The following HMGA2 variants were observed in gnomAD, a reference collection of about 807,000 sequenced individuals.
HMGA2 encodes the protein high mobility group AT-hook 2.
A neutral mutation model predicts 19.1 loss-of-function variants in HMGA2; 8 were observed. The ratio of observed to expected loss-of-function variants is 0.42; its 90% CI spans 0.25 to 0.76. HMGA2 has a LOEUF of 0.76. HMGA2 is among the 30% of genes least tolerant of loss of function. HMGA2 has a pLI of 0.28. For missense variants in HMGA2, 109 were observed against 136.3 expected (o/e 0.80, Z 1.00); for synonymous variants, 60 against 48.8 (o/e 1.23, Z -0.96).
rs1870041767 is a variant in HMGA2 at position 65,824,733 on chromosome 12, C to CTCTCTCTCTCTCTCTCTG, written c.-521_-520insGTCTCTCTCTCTCTCTCT. On this transcript the variant is annotated 5_prime_UTR_variant, in exon 1 of 5. Transcript: ENST00000403681. ...ATCTCTTCTCTCTCTCTCTCTCTCT[C>CTCTCTCTCTCTCTCTCTG]TCTCTCTCTCTCTCTCTCTCTCTCT... 2 of 179,134 alleles carry CTCTCTCTCTCTCTCTCTG rather than the reference C, an allele frequency of 1.1e-5. No homozygotes were observed. Among genetic ancestry groups the CTCTCTCTCTCTCTCTCTG allele is most frequent in the African/African-American group, 8.1e-5 (2 of 24,730 alleles). The allele number at this position is 179,134 out of a possible 1,614,324, so 11.1% of individuals were successfully genotyped here.
At chr12:65,843,129 T>A (rs1016580921) in intron 3 of HMGA2, 3 of 225,732 alleles carry the variant, frequency 1.3e-5, no homozygotes, top group African/African-American at 4.5e-5. Flanking sequence ...AAGAAAAATA[T>A]CTTTCTGGAG....
At chr12:65,942,373 A>G (rs557611874) in intron 3 of HMGA2, among the ~76,000 whole-genome samples, 2 of 152,352 alleles carry the variant, frequency 1.3e-5, no homozygotes, top group African/African-American at 4.8e-5. Flanking sequence ...AAAGAAATAC[A>G]TATAGAATAA....
chr12:65,956,397 A>C (rs987578569), intron 4 of HMGA2: 1 of 152,242 alleles, frequency 6.6e-6, no homozygotes, highest in Non-Finnish European at 1.5e-5. Flanking sequence ...GGAAAAGGAG[A>C]GAGCAAAGTA....
intron 3 of HMGA2, chr12:65,915,182 G>A (rs1365197723): frequency 1.2e-6 from 2 of 1,610,426 alleles, no homozygotes; most frequent in East Asian, 4.5e-5. Context: ...TCACCTTGAG[G>A]AATTGTCCAT....
intron 4 of HMGA2, chr12:65,956,636 A>G (rs1876613506): frequency 6.6e-6 from 1 of 152,210 alleles, no homozygotes; most frequent in African/African-American, 2.4e-5. Flanking sequence ...ACATCAATCA[A>G]TTTAGGGCAA....
At chr12:65,936,171 C>T (rs1410438090) in intron 3 of HMGA2, among the ~76,000 whole-genome samples, 2 of 151,146 alleles carry the variant, frequency 1.3e-5, no homozygotes, top group African/African-American at 4.9e-5. Flanking sequence ...ATTATGAATG[C>T]GTGTGTTCTT....
chr12:65,913,863 T>A (rs1234329657), intron 3 of HMGA2, among the ~76,000 whole-genome samples: 1 of 152,248 alleles, frequency 6.6e-6, no homozygotes, highest in African/African-American at 2.4e-5. Flanking sequence ...ACCCTTGCTC[T>A]TCCCTTTCGT....
intron 3 of HMGA2, among the ~76,000 whole-genome samples, chr12:65,886,522 C>T (rs1289741282): frequency 2.6e-5 from 4 of 152,028 alleles, no homozygotes; most frequent in Non-Finnish European, 5.9e-5. Context: ...CCATGCCCGG[C>T]TAATATTTGT....
chr12:65,897,474 G>T (rs1874179145), intron 3 of HMGA2, among the ~76,000 whole-genome samples: 1 of 152,196 alleles, frequency 6.6e-6, no homozygotes, highest in Non-Finnish European at 1.5e-5. Flanking sequence ...CATCCTGATA[G>T]AGGTAATTCT....
chr12:65,839,474 A>AT (rs142130904), intron 3 of HMGA2, among the ~76,000 whole-genome samples: 6,246 of 149,308 alleles, frequency 0.042, 182 homozygotes, highest in Non-Finnish European at 0.065. Flanking sequence ...TTTTAAAAAG[A>AT]TTTTTTTTTT....
At chr12:65,876,659 A>C (rs962181838) in intron 3 of HMGA2, among the ~76,000 whole-genome samples, 1 of 152,200 alleles carries the variant, frequency 6.6e-6, no homozygotes, top group Non-Finnish European at 1.5e-5. Context: ...TCATTTCACC[A>C]CTTAAGCCCA....
intron 3 of HMGA2, among the ~76,000 whole-genome samples, chr12:65,896,112 T>C (rs1874117231): frequency 6.6e-6 from 1 of 152,218 alleles, no homozygotes; most frequent in South Asian, 2.1e-4. Flanking sequence ...AGTTCTGTAG[T>C]TCATCCTTAT....
intron 3 of HMGA2, chr12:65,851,489 T>C: frequency 3.7e-6 from 1 of 272,540 alleles, no homozygotes; most frequent in Non-Finnish European, 7.5e-6. Context: ...CACTCCAGCC[T>C]GGGTGACAAG....
At chr12:65,898,767 G>A (rs1363854007) in intron 3 of HMGA2, among the ~76,000 whole-genome samples, 4 of 152,072 alleles carry the variant, frequency 2.6e-5, no homozygotes, top group East Asian at 1.9e-4. Context: ...TGAGGAGGCC[G>A]GGCGCAGTGG....
intron 3 of HMGA2, among the ~76,000 whole-genome samples, chr12:65,913,687 T>G (rs1358850570): frequency 6.6e-6 from 1 of 152,138 alleles, no homozygotes; most frequent in African/African-American, 2.4e-5. Context: ...ATCTGGGCCG[T>G]GTTACTCACT....
chr12:65,927,691 T>C (rs1440924861), intron 3 of HMGA2, among the ~76,000 whole-genome samples: 1 of 152,092 alleles, frequency 6.6e-6, no homozygotes, highest in Non-Finnish European at 1.5e-5. Flanking sequence ...TTACAGCTAA[T>C]TGTATTTTCG....
At chr12:65,929,291 T>A (rs984719453) in intron 3 of HMGA2, among the ~76,000 whole-genome samples, 12 of 152,150 alleles carry the variant, frequency 7.9e-5, no homozygotes, top group African/African-American at 2.6e-4. Flanking sequence ...TAAAGCGGAG[T>A]TTTGTTTTGT....
At chr12:65,917,337 G>A (rs922292459) in intron 3 of HMGA2, among the ~76,000 whole-genome samples, 2 of 152,208 alleles carry the variant, frequency 1.3e-5, no homozygotes, top group African/African-American at 4.8e-5. Context: ...AAGAAGTTAA[G>A]TAAGAAGCCA....
At chr12:65,938,463 A>G (rs920662310) in intron 3 of HMGA2, among the ~76,000 whole-genome samples, 2 of 152,270 alleles carry the variant, frequency 1.3e-5, no homozygotes, top group Admixed American at 6.5e-5. Context: ...ACCTCCTTAC[A>G]TACACTGATC....
Sources: gnomAD v4.1 joint callset for allele counts (sites outside exome capture counted in the v4.1 genomes callset) on GRCh38, gnomAD v4.1.1 for gene constraint, MANE v1.5 for transcripts, NCBI Gene and HGNC (gene_info 2026-07-23, HGNC 2026-07-21) for gene names.